The following KIF1B variants were observed in gnomAD, a reference collection of about 807,000 sequenced individuals.
The protein encoded by KIF1B is kinesin family member 1B.
Under a neutral mutation model 241.9 loss-of-function variants are expected in KIF1B, and 76 were observed. The observed-to-expected ratio is 0.31, with a 90% CI of 0.26 to 0.38. KIF1B has a LOEUF of 0.38. KIF1B is among the 10% of genes least tolerant of loss of function. KIF1B has a pLI of 1.00. For synonymous variants in KIF1B, 750 were observed against 796.7 expected, an observed-to-expected ratio of 0.94 and a Z score of 0.99; for missense variants, 1,622 against 2,271.4, an observed-to-expected ratio of 0.71 and a Z score of 5.81.
At chr1:10,252,603 G>C (rs1220758687) in intron 2 of KIF1B, among the ~76,000 whole-genome samples, 2 of 151,348 alleles carry the variant, frequency 1.3e-5, no homozygotes, top group Non-Finnish European at 2.9e-5. Flanking sequence ...GTGGAGATGA[G>C]ATTTCACCAT....
Position 10,336,678 on chromosome 1 carries a change from A to T in KIF1B, c.3065A>T (p.Tyr1022Phe). 6.2e-7 allele frequency: 1 copy of T among 1,613,980 alleles called. No individual in the cohort carries two copies. Among genetic ancestry groups the T allele is most frequent in the South Asian group, 1.1e-5 (1 of 91,082 alleles). ...AIAADEEAPD[Y>F]GSGIRQSGTA... ...TTAGCGGATGAAGAAGCTCCTGATT[A>T]TGGCTCTGGAATTCGACAGTCAGGA... The change falls in exon 29 of 49, where the codon TAT (tyrosine) becomes TTT (phenylalanine). Residue 1022 changes from tyrosine (Y) to phenylalanine (F), a missense_variant. This residue lies in a region of KIF1B where 803 missense variants were observed against 1,112.0 expected (regional missense o/e 0.72). Transcript: ENST00000676179.
intron 5 of KIF1B, 63 bp from the exon 6 acceptor site, chr1:10,267,317 C>G: frequency 2.0e-6 from 3 of 1,482,104 alleles, no homozygotes; most frequent in Non-Finnish European, 9.4e-7. Flanking sequence ...CGTGAGCCAC[C>G]GCGCCCGGCT....
chr1:10,309,411 C>CA (rs1557705485), intron 22 of KIF1B, among the ~76,000 whole-genome samples: 2 of 151,882 alleles, frequency 1.3e-5, no homozygotes, highest in African/African-American at 4.9e-5. Flanking sequence ...TGACACTGTG[C>CA]TGATGAGACT....
In KIF1B at chr1:10,210,643, C is replaced by T. The variant is rs1646679842; in HGVS notation, c.-315C>T. On this transcript the variant is annotated 5_prime_UTR_variant, in exon 1 of 49. Transcript: ENST00000676179. The surrounding 1 kb of genome is among the most constrained non-coding windows in gnomAD (Gnocchi z 4.1). ...TCCCCGTCCTCCGCAGCCGTCACCG[C>T]CGGCCGTCGCCGCGCCCTGGCCTCC... is the stretch of plus-strand genomic sequence containing the variant. Among the ~76,000 whole-genome samples the T allele has an allele frequency of 7.1e-6, 1 of 141,568 alleles. No homozygotes were observed. The highest frequency in any genetic ancestry group is 1.6e-5 in the Non-Finnish European group (1 of 62,782). The allele number at this position is 141,568 out of a possible 152,430, so 92.9% of individuals were successfully genotyped here. A position where few individuals can be genotyped will look rare whatever the true frequency, so the allele number is the denominator to read the frequency against.
At chr1:10,239,717 C>T (rs890865554) in intron 2 of KIF1B, among the ~76,000 whole-genome samples, 5 of 152,006 alleles carry the variant, frequency 3.3e-5, no homozygotes, top group African/African-American at 4.8e-5. Context: ...AAGGGATTCT[C>T]CTGCCTCAGA....
intron 2 of KIF1B, among the ~76,000 whole-genome samples, chr1:10,249,666 C>T (rs927370343): frequency 1.6e-4 from 24 of 152,104 alleles, no homozygotes; most frequent in Admixed American, 2.6e-4. Flanking sequence ...CTTTGGGAGG[C>T]CAAAACAGGA....
intron 27 of KIF1B, among the ~76,000 whole-genome samples, chr1:10,328,619 T>G (rs906833919): frequency 1.3e-5 from 2 of 152,236 alleles, no homozygotes; most frequent in Admixed American, 6.5e-5. Context: ...GAGTTGGAAG[T>G]TAAAACCCAG....
intron 22 of KIF1B, chr1:10,308,071 A>G: frequency 9.4e-7 from 1 of 1,060,266 alleles, no homozygotes; most frequent in Non-Finnish European, 1.1e-6. Flanking sequence ...GTCTGCATTA[A>G]AGGCTGTTTT....
rs1638554245 is a variant in KIF1B, at chr1:10,365,757, A to G, written c.4752+109A>G. ...TGTTCGAGGTGTTTGAAGGCCTGTG[A>G]TAATACTGTGAATGTAGAAATAAAA... On this transcript the variant is annotated intron_variant, in intron 43 of 48. Coordinates refer to ENST00000676179, the MANE Select transcript of KIF1B (RefSeq NM_001365951.3). The surrounding 1 kb of genome is among the most constrained non-coding windows in gnomAD (Gnocchi z 4.0). 1 of 1,447,468 alleles carries G rather than the reference A, an allele frequency of 6.9e-7. No individual in the cohort carries two copies. 89.7% of individuals were successfully genotyped at this position (1,447,468 alleles called of 1,614,324 possible). A position where few individuals can be genotyped will look rare whatever the true frequency, so the allele number is the denominator to read the frequency against.
In KIF1B at chr1:10,292,120, A is replaced by C; in HGVS notation, c.1588A>C (p.Lys530Gln). 5.0e-6 allele frequency: 8 copies of C among 1,612,956 alleles called. No homozygotes were observed. The highest frequency in any genetic ancestry group is 6.8e-6 in the Non-Finnish European group (8 of 1,179,000). ...GGTLGVFSPK[K>Q]TPHLVNLNED... ...AACCCTAGGGGTTTTCTCACCTAAAAAGGTAGGAAACAATGCTGTGAAACC... is the reference window on the plus strand; with the variant it reads ...AACCCTAGGGGTTTTCTCACCTAAACAGGTAGGAAACAATGCTGTGAAACC... Residue 530 changes from lysine to glutamine, a missense_variant and splice_region_variant, in exon 17 of 49, where the codon AAG (lysine) becomes CAG (glutamine). Physicochemically the swap from Lys to Gln is moderately conservative, Grantham distance 53 (BLOSUM62 1). Around this residue, in one of 7 missense-constraint regions of KIF1B, gnomAD observed 57 missense variants for 149.0 expected, o/e 0.38. Transcript: ENST00000676179.
chr1:10,254,136 G>T (rs146324955), intron 2 of KIF1B, among the ~76,000 whole-genome samples: 44 of 152,342 alleles, frequency 2.9e-4, no homozygotes, highest in Middle Eastern at 3.4e-3. Context: ...CTAAAGCTTT[G>T]TGTGTATGAG....
intron 22 of KIF1B, chr1:10,304,233 C>G: frequency 2.5e-6 from 4 of 1,614,092 alleles, no homozygotes; most frequent in Non-Finnish European, 3.4e-6. Flanking sequence ...TTAAGGATCC[C>G]CAGTTTCCAT....
chr1:10,345,507 A>C (rs147869532), intron 34 of KIF1B: 403 of 330,762 alleles, frequency 1.2e-3, no homozygotes, highest in African/African-American at 8.4e-3. Context: ...CTCCCACGTT[A>C]GTCCCATGCT....
Position 10,306,076 on chromosome 1 carries a change from A to G in KIF1B, c.2115+8830A>G, listed in dbSNP as rs191516136. ...TGGGCACTATGCTTTATTAGAACAC[A>G]TTATTTTTAATCATAGTATTTTTTC... On this transcript the variant is annotated intron_variant, in intron 22 of 48. Coordinates refer to ENST00000676179, the MANE Select transcript of KIF1B (RefSeq NM_001365951.3). 1.0e-4 allele frequency: 106 copies of G among 1,043,996 alleles called. No individual in the cohort carries two copies. In the African/African-American group the frequency reaches 1.6e-3, roughly 16 times the overall value. 64.7% of individuals were successfully genotyped at this position (1,043,996 alleles called of 1,614,324 possible).
intron 27 of KIF1B, 129 bp from the exon 28 acceptor site, chr1:10,334,391 C>CT: frequency 1.3e-6 from 1 of 786,204 alleles, no homozygotes; most frequent in Non-Finnish European, 2.3e-6. Flanking sequence ...GAGGCTAGGA[C>CT]TGAGAAGGGG....
At chr1:10,334,429 A>G (rs1273426211) in intron 27 of KIF1B, 91 bp from the exon 28 acceptor site, 2 of 997,846 alleles carry the variant, frequency 2.0e-6, no homozygotes, top group African/African-American at 3.2e-5. Flanking sequence ...AAGTCAGCTC[A>G]CAGTTGCAGG....
intron 1 of KIF1B, among the ~76,000 whole-genome samples, chr1:10,215,168 A>C (rs1474716213): frequency 1.9e-5 from 1 of 53,856 alleles, no homozygotes; most frequent in Non-Finnish European, 3.1e-5. Context: ...ATATATATAT[A>C]TATATTTTTT....
intron 3 of KIF1B, 26 bp from the exon 4 acceptor site, chr1:10,258,463 GTTAT>G (rs1557669936): frequency 1.3e-6 from 2 of 1,594,586 alleles, no homozygotes; most frequent in South Asian, 1.1e-5. Flanking sequence ...TTAATAAAAG[GTTAT>G]TTATTTCTCC....
chr1:10,253,166 A>T (rs993850677), intron 2 of KIF1B, among the ~76,000 whole-genome samples: 3 of 152,212 alleles, frequency 2.0e-5, no homozygotes, highest in Admixed American at 6.5e-5. Flanking sequence ...AAGCATTTAA[A>T]TGATGGTGTC....
Sources: allele counts gnomAD v4.1 joint callset (sites outside exome capture counted in the v4.1 genomes callset), GRCh38; gene constraint gnomAD v4.1.1; regional missense constraint gnomAD v4.1.1; non-coding constraint Gnocchi (gnomAD v3.1); transcripts MANE v1.5; gene names NCBI Gene and HGNC (gene_info 2026-07-23, HGNC 2026-07-21).